Variants in ZGRF1 observed in about 807,000 individuals in gnomAD.
The protein encoded by ZGRF1 is zinc finger GRF-type containing 1, also known as 5'-3' DNA helicase ZGRF1.
In ZGRF1, 196 loss-of-function variants were observed where a neutral mutation model predicts 203.5. The observed-to-expected ratio is 0.96, with a 90% CI of 0.86 to 1.08. ZGRF1 has a LOEUF of 1.08. Ranked by LOEUF, ZGRF1 falls within the 50% of genes least tolerant of loss-of-function variation. ZGRF1 has a pLI of 0.00. For synonymous variants in ZGRF1, 809 were observed against 841.3 expected, an observed-to-expected ratio of 0.96 and a Z score of 0.66; for missense variants, 2,326 against 2,416.3, an observed-to-expected ratio of 0.96 and a Z score of 0.78.
Position 112,594,114 on chromosome 4 carries a change from A to C in ZGRF1, c.2977-4240T>G, listed in dbSNP as rs1174670913. The stretch of plus-strand genomic sequence containing the variant: ...TTGAGAGTACTTTCACAGATTTCCT[A>C]CATAGCAATTATCTCAATTTATTTG... On this transcript the variant is annotated intron_variant, in intron 10 of 27. Coordinates refer to ENST00000505019, the MANE Select transcript of ZGRF1 (RefSeq NM_018392.5). Among the ~76,000 whole-genome samples the C allele has an allele frequency of 2.0e-5, 3 of 152,072 alleles. 1 individual carries two copies. In the South Asian group the frequency reaches 6.2e-4, roughly 32 times the overall value.
intron 16 of ZGRF1, chr4:112,565,137 T>G: frequency 1.4e-6 from 2 of 1,431,390 alleles, no homozygotes; most frequent in South Asian, 2.3e-5. Flanking sequence ...TGGCGCTCCG[T>G]GAAATTAGAT....
rs2046929843 is a variant in ZGRF1, at chr4:112,617,735, T to A, written c.2307A>T (p.Gly769=). The part of the protein sequence containing the change: ...HISNSLFYPL[G]KKHLISKDTE... ...TGTCTTTGGAAATAAGATGCTTTTT[T>A]CCCAGTGGGTAAAACAAAGAATTGG... is the stretch of plus-strand genomic sequence containing the variant. The change falls in exon 6 of 28, where the codon GGA becomes GGT. Residue 769 remains glycine (G), a synonymous_variant. Transcript: ENST00000505019. 1.9e-6 allele frequency: 3 copies of A among 1,614,150 alleles called. No homozygotes were observed. Among genetic ancestry groups the A allele is most frequent in the Admixed American group, 1.7e-5 (1 of 60,022 alleles).
chr4:112,549,841 A>C (rs1739566698), intron 22 of ZGRF1, among the ~76,000 whole-genome samples: 1 of 152,046 alleles, frequency 6.6e-6, no homozygotes, highest in African/African-American at 2.4e-5. Flanking sequence ...ATCCATAAGA[A>C]GGTATTGTTA....
chr4:112,584,135 G>T lies in ZGRF1; in HGVS notation c.4141C>A (p.Arg1381=). The change falls in exon 15 of 28, where the codon CGA becomes AGA. Residue 1381 remains arginine, a synonymous_variant. Coordinates refer to ENST00000505019, the MANE Select transcript of ZGRF1 (RefSeq NM_018392.5). The stretch of plus-strand genomic sequence containing the variant: ...TCAAGCCATTTAAAGAATTTACATC[G>T]ATCAGCTTTGGGTCCATCACATGTA... ...FYTCDGPKAD[R]CKFFKWLEDV... 3 of 1,612,926 alleles carry T rather than the reference G, an allele frequency of 1.9e-6. No homozygotes were observed. Among genetic ancestry groups the T allele is most frequent in the South Asian group, 2.2e-5 (2 of 90,978 alleles).
At chr4:112,549,396 T>C (rs1421035918) in intron 22 of ZGRF1, among the ~76,000 whole-genome samples, 1 of 152,196 alleles carries the variant, frequency 6.6e-6, no homozygotes, top group African/African-American at 2.4e-5. Context: ...ACACACACAT[T>C]TGTGTACATA....
rs574919427 is a variant in ZGRF1, at chr4:112,542,507, C to A, written c.5599-1239G>T. Among the ~76,000 whole-genome samples, 7 of 152,134 alleles carry A rather than the reference C, an allele frequency of 4.6e-5. No individual in the cohort carries two copies. In the East Asian group the frequency reaches 1.2e-3, roughly 25 times the overall value. On this transcript the variant is annotated intron_variant, in intron 24 of 27. Transcript: ENST00000505019. Reference sequence around the variant, plus strand: ...ACATACATTTGATATAGGCATATAACCCTAGGATAAAAGATGGAAGGAAAA... The same window carrying A: ...ACATACATTTGATATAGGCATATAAACCTAGGATAAAAGATGGAAGGAAAA...
rs369296889 is a variant in ZGRF1 at position 112,585,528 on chromosome 4, G to A, written c.4101+13C>T. The A allele has an allele frequency of 3.9e-5, 62 of 1,599,728 alleles. No homozygotes were observed. Among genetic ancestry groups the A allele is most frequent in the Non-Finnish European group, 5.2e-5 (61 of 1,173,616 alleles). ...AGTATTTGGTATGGTAGGGGGAGGG[G>A]AAGCAAGAATACCTTATTTGGACCT... On this transcript the variant is annotated intron_variant, in intron 14 of 27. Transcript: ENST00000505019.
intron 19 of ZGRF1, among the ~76,000 whole-genome samples, chr4:112,558,882 A>C (rs1463386361): frequency 1.3e-5 from 2 of 152,250 alleles, no homozygotes; most frequent in African/African-American, 4.8e-5. Context: ...CTTGGATCAG[A>C]GAAGGAAGAA....
intron 22 of ZGRF1, 93 bp downstream of exon 22, chr4:112,553,742 T>C (rs896581937): frequency 1.7e-6 from 2 of 1,161,024 alleles, no homozygotes; most frequent in African/African-American, 1.6e-5. Context: ...GCAGTTTGTT[T>C]TATTTAAAGG....
rs369450504 is a variant in ZGRF1, at chr4:112,609,384, C to T, written c.2713G>A (p.Val905Met). The T allele has an allele frequency of 1.7e-5, 27 of 1,570,112 alleles. No individual in the cohort carries two copies. Among genetic ancestry groups the T allele is most frequent in the Non-Finnish European group, 2.3e-5 (27 of 1,149,942 alleles). The change falls in exon 8 of 28, where the codon GTG becomes ATG. Residue 905 changes from valine to methionine, a missense_variant. Physicochemically the swap from Val to Met is conservative, Grantham distance 21. Coordinates refer to ENST00000505019, the MANE Select transcript of ZGRF1 (RefSeq NM_018392.5). ...TTATATTTTAAATAACTTACCTGCACAGACTGAAGTGGTTCACTTAGTTCA... is the reference window on the plus strand; with the variant it reads ...TTATATTTTAAATAACTTACCTGCATAGACTGAAGTGGTTCACTTAGTTCA... ...EVELSEPLQS[V>M]QFSSSGSKEE...
At chr4:112,606,969 C>T (rs1433184082) in intron 8 of ZGRF1, among the ~76,000 whole-genome samples, 1 of 152,040 alleles carries the variant, frequency 6.6e-6, no homozygotes, top group African/African-American at 2.4e-5. Flanking sequence ...AAATGTTTAA[C>T]AAATATGAAG....
chr4:112,586,686 C>A, intron 12 of ZGRF1, 103 bp from the exon 13 acceptor site: 1 of 897,510 alleles, frequency 1.1e-6, no homozygotes, highest in Non-Finnish European at 1.5e-6. Context: ...ATTAATTTTT[C>A]TTTTGATTTC....
chr4:112,621,592 G>A (rs1560877613), intron 4 of ZGRF1, among the ~76,000 whole-genome samples: 2 of 150,878 alleles, frequency 1.3e-5, no homozygotes, highest in Non-Finnish European at 2.9e-5. Context: ...GGCAGAGGTT[G>A]CGGTGAGGTG....
intron 10 of ZGRF1, among the ~76,000 whole-genome samples, chr4:112,590,325 TTAAA>T (rs1034495742): frequency 6.6e-6 from 1 of 152,210 alleles, no homozygotes; most frequent in Non-Finnish European, 1.5e-5. Context: ...AGTGAACTTG[TTAAA>T]TACATGCCAG....
Position 112,584,154 on chromosome 4 carries a change from A to G in ZGRF1, c.4122T>C (p.Cys1374=), listed in dbSNP as rs777824934. Reference sequence around the variant, plus strand: ...TACATCGATCAGCTTTGGGTCCATCACATGTATAAAAGAGACGACCCTAAG... The same window carrying G: ...TACATCGATCAGCTTTGGGTCCATCGCATGTATAAAAGAGACGACCCTAAG... ...GPNKGRLFYT[C]DGPKADRCKF... is the part of the protein sequence containing the mutation. The change falls in exon 15 of 28, where the codon TGT becomes TGC. Residue 1374 remains cysteine, a synonymous_variant. Coordinates refer to ENST00000505019, the MANE Select transcript of ZGRF1 (RefSeq NM_018392.5). 1.9e-6 allele frequency: 3 copies of G among 1,604,590 alleles called. No individual in the cohort carries two copies. The highest frequency in any genetic ancestry group is 2.2e-5 in the South Asian group (2 of 88,966).
At chr4:112,551,063 T>C (rs948745012) in intron 22 of ZGRF1, among the ~76,000 whole-genome samples, 4 of 152,188 alleles carry the variant, frequency 2.6e-5, no homozygotes, top group Non-Finnish European at 4.4e-5. Flanking sequence ...GTGGTTATTA[T>C]TTCCAATTTC....
chr4:112,561,065 A>G (rs757699017), intron 18 of ZGRF1, 70 bp from the exon 19 acceptor site: 4 of 1,217,628 alleles, frequency 3.3e-6, no homozygotes, highest in South Asian at 2.6e-5. Flanking sequence ...AGAATAATTC[A>G]TAACTTAGCC....
intron 7 of ZGRF1, 34 bp downstream of exon 7, chr4:112,612,489 TA>T (rs559979863): frequency 3.1e-5 from 42 of 1,350,844 alleles, no homozygotes; most frequent in Middle Eastern, 2.3e-4. Flanking sequence ...CTTATCAAAA[TA>T]AAAAAAACAT....
chr4:112,618,381 T>C lies in ZGRF1; in HGVS notation c.1661A>G (p.Gln554Arg), dbSNP rs2046955888. 1.2e-6 allele frequency: 2 copies of C among 1,613,926 alleles called. No homozygotes were observed. The highest frequency in any genetic ancestry group is 2.7e-5 in the African/African-American group (2 of 75,052). Residue 554 changes from glutamine to arginine, a missense_variant, in exon 6 of 28, where the codon CAG becomes CGG. By Grantham distance (43) the Gln-to-Arg change is conservative (BLOSUM62 1). Coordinates refer to ENST00000505019, the MANE Select transcript of ZGRF1 (RefSeq NM_018392.5). ...GTCCTTTACCCAACTCTCTGAATCC[T>C]GGGAAATTTTGTTGCTTTCCTGTGA... ...EESQESNKIS[Q>R]DSESWVKDIL... is the part of the protein sequence containing the mutation.
Sources: gnomAD v4.1 joint callset for allele counts (sites outside exome capture counted in the v4.1 genomes callset) on GRCh38, gnomAD v4.1.1 for gene constraint, MANE v1.5 for transcripts, NCBI Gene and HGNC (gene_info 2026-07-23, HGNC 2026-07-21) for gene names.